The following LRRC7 variants were observed in gnomAD, a reference collection of about 807,000 sequenced individuals.
LRRC7 encodes the protein leucine-rich repeat-containing protein 7.
In LRRC7, 23 loss-of-function variants were observed where a neutral mutation model predicts 175.7. The ratio of observed to expected loss-of-function variants is 0.13; its 90% CI spans 0.09 to 0.19. The LOEUF (loss-of-function observed/expected upper bound fraction) is 0.19, where lower values mean the gene tolerates loss of function less well. Among genes scored for constraint, LRRC7 ranks in the 10% least tolerant of loss-of-function variants. The pLI is 1.00. For synonymous variants in LRRC7, 685 were observed against 680.9 expected (o/e 1.01, Z -0.09); for missense variants, 1,354 against 1,904.7 (o/e 0.71, Z 5.38).
chr1:69,690,908 G>A (rs1003425545), intron 2 of LRRC7, among the ~76,000 whole-genome samples: 2 of 152,192 alleles, frequency 1.3e-5, no homozygotes, highest in East Asian at 3.8e-4. Flanking sequence ...CCATTCTTTG[G>A]TGACTCAGCT....
chr1:69,760,960 T>A, intron 3 of LRRC7, among the ~76,000 whole-genome samples: 1 of 149,538 alleles, frequency 6.7e-6, no homozygotes, highest in African/African-American at 2.4e-5. Flanking sequence ...TTTGTGCACA[T>A]ACACACACAC....
At chr1:69,678,736 G>T (rs567771345) in intron 2 of LRRC7, among the ~76,000 whole-genome samples, 26 of 152,222 alleles carry the variant, frequency 1.7e-4, no homozygotes, top group Non-Finnish European at 3.5e-4. Context: ...GATGGGAAAA[G>T]GCTGTACAGT....
intron 3 of LRRC7, 79 bp from the exon 4 acceptor site, chr1:69,791,964 G>T (rs1675175956): frequency 4.4e-6 from 4 of 905,918 alleles, no homozygotes; most frequent in Non-Finnish European, 3.5e-6. Flanking sequence ...TATAAACATG[G>T]TGACTTTAAT....
intron 1 of LRRC7, among the ~76,000 whole-genome samples, chr1:69,622,603 G>A (rs536850350): frequency 6.6e-6 from 1 of 152,180 alleles, no homozygotes; most frequent in Admixed American, 6.5e-5. Flanking sequence ...CAAGACCTGA[G>A]GTAATGTTGA....
chr1:69,928,540 G>T (rs2421312), intron 7 of LRRC7, among the ~76,000 whole-genome samples: 267 of 152,318 alleles, frequency 1.8e-3, no homozygotes, highest in African/African-American at 5.9e-3. Context: ...CGTTGCTGCC[G>T]CCTTGCAGTT....
chr1:69,574,661 T>C (rs985579146), intron 1 of LRRC7, among the ~76,000 whole-genome samples: 2 of 152,166 alleles, frequency 1.3e-5, no homozygotes, highest in African/African-American at 4.8e-5. Context: ...AATAGACTTA[T>C]AAATACTAAC....
intron 3 of LRRC7, among the ~76,000 whole-genome samples, chr1:69,784,753 T>C (rs573442343): frequency 1.3e-5 from 2 of 152,358 alleles, no homozygotes; most frequent in Admixed American, 6.5e-5. Context: ...GGCATTTCTA[T>C]TATGTAACAT....
At chr1:69,860,636 T>C (rs923113438) in intron 7 of LRRC7, among the ~76,000 whole-genome samples, 5 of 151,696 alleles carry the variant, frequency 3.3e-5, no homozygotes, top group South Asian at 2.1e-4. Flanking sequence ...TAGGTTTTTT[T>C]GTTCTAGAAA....
At chr1:69,977,487 A>T (rs924139920) in intron 8 of LRRC7, among the ~76,000 whole-genome samples, 6 of 152,222 alleles carry the variant, frequency 3.9e-5, no homozygotes, top group Non-Finnish European at 8.8e-5. Flanking sequence ...GAAGGGATGA[A>T]TAAATTATAG....
At chr1:69,709,525 T>C (rs1664477249) in intron 2 of LRRC7, among the ~76,000 whole-genome samples, 1 of 152,106 alleles carries the variant, frequency 6.6e-6, no homozygotes, top group African/African-American at 2.4e-5. Flanking sequence ...ATGACAAGAG[T>C]CTTCTCTAGC....
chr1:69,595,966 G>A (rs1187655655), intron 1 of LRRC7, among the ~76,000 whole-genome samples: 1 of 90,062 alleles, frequency 1.1e-5, no homozygotes, highest in Non-Finnish European at 2.9e-5. Flanking sequence ...CTGTTAAACT[G>A]TCTCATATAA....
chr1:70,072,557 A>G (rs1662467065), intron 23 of LRRC7, among the ~76,000 whole-genome samples: 1 of 150,480 alleles, frequency 6.6e-6, no homozygotes, highest in Non-Finnish European at 1.5e-5. Context: ...ATCACAGCCT[A>G]TAGCCCAAGA....
chr1:70,089,365 C>A (rs1187821602), intron 24 of LRRC7, among the ~76,000 whole-genome samples: 1 of 152,178 alleles, frequency 6.6e-6, no homozygotes, highest in Non-Finnish European at 1.5e-5. Context: ...CCTTTCTAAT[C>A]AACCTGAATA....
At chr1:69,695,709 A>G (rs962244354) in intron 2 of LRRC7, among the ~76,000 whole-genome samples, 1 of 152,200 alleles carries the variant, frequency 6.6e-6, no homozygotes, top group Admixed American at 6.5e-5. Flanking sequence ...CCTCAAGGAC[A>G]TAGCTCCCCA....
At chr1:69,699,065 C>T (rs989898426) in intron 2 of LRRC7, among the ~76,000 whole-genome samples, 8 of 152,056 alleles carry the variant, frequency 5.3e-5, no homozygotes, top group South Asian at 2.1e-4. Flanking sequence ...GCACAACGTG[C>T]GGTCTTGGTG....
chr1:69,907,353 A>G (rs928927893), intron 7 of LRRC7, among the ~76,000 whole-genome samples: 7 of 152,260 alleles, frequency 4.6e-5, no homozygotes, highest in Admixed American at 2.0e-4. Context: ...TTCAAAGGGA[A>G]TGCTTCCAGT....
intron 1 of LRRC7, among the ~76,000 whole-genome samples, chr1:69,570,701 CA>C (rs1272017641): frequency 6.6e-6 from 1 of 152,012 alleles, no homozygotes; most frequent in Non-Finnish European, 1.5e-5. Flanking sequence ...TTTGTTTTTA[CA>C]AAAGACAGTA....
At chr1:69,822,495 A>G (rs1204790401) in intron 4 of LRRC7, among the ~76,000 whole-genome samples, 1 of 152,204 alleles carries the variant, frequency 6.6e-6, no homozygotes, top group African/African-American at 2.4e-5. Flanking sequence ...AGTTTTGAAC[A>G]TTGGTTGCTG....
chr1:70,044,954 A>G lies in LRRC7; in HGVS notation c.4110+860A>G, dbSNP rs191238421. ...TGCAAAGTAGGGATAATAGAATGAC[A>G]GTAACTTCTAAACACTTCTTCCCTC... On this transcript the variant is annotated intron_variant, in intron 22 of 26. Coordinates refer to ENST00000651989, the MANE Select transcript of LRRC7 (RefSeq NM_001370785.2). Among the ~76,000 whole-genome samples, 20 of 152,276 alleles carry G rather than the reference A, an allele frequency of 1.3e-4. No homozygotes were observed. The East Asian group carries it at 3.5e-3, about 26-fold the overall frequency.
Sources: allele counts gnomAD v4.1 joint callset (sites outside exome capture counted in the v4.1 genomes callset), GRCh38; gene constraint gnomAD v4.1.1; transcripts MANE v1.5; gene names NCBI Gene and HGNC (gene_info 2026-07-23, HGNC 2026-07-21).